Variants in RANBP2 observed in about 807,000 individuals in gnomAD.
RANBP2 encodes the protein RAN binding protein 2.
Under a neutral mutation model 303.6 loss-of-function variants are expected in RANBP2, and 57 were observed. That is an observed-to-expected ratio of 0.19 (90% CI 0.15 to 0.23). The LOEUF (loss-of-function observed/expected upper bound fraction) is 0.23. Ranked by LOEUF, RANBP2 falls within the 10% of genes least tolerant of loss-of-function variation. The pLI is 1.00. For synonymous variants in RANBP2, 1,167 were observed against 1,301.5 expected (o/e 0.90, Z 2.23); for missense variants, 3,138 against 3,780.8 (o/e 0.83, Z 4.46).
chr2:108,946,202 C>T, the RANBP2 span, among the ~76,000 whole-genome samples: 1 of 152,178 alleles, frequency 6.6e-6, no homozygotes, highest in African/African-American at 2.4e-5. Flanking sequence ...CAAAATGCAC[C>T]AGGGCATGAC....
the RANBP2 span, chr2:109,432,591 G>T: frequency 1.9e-6 from 3 of 1,613,604 alleles, no homozygotes; most frequent in Non-Finnish European, 2.5e-6. Context: ...AGAAGTGTCA[G>T]GATGGCTGGT....
Position 108,763,225 on chromosome 2 carries a change from T to C in RANBP2, c.2698-12T>C, listed in dbSNP as rs752182445. The stretch of plus-strand genomic sequence containing the variant: ...GACAATCTACAAAATGTTTTAACTT[T>C]CTGTCTTTTAGGGCCCAGTCTATGG... On this transcript the variant is annotated splice_polypyrimidine_tract_variant and intron_variant, in intron 19 of 28. Transcript: ENST00000283195. The C allele has an allele frequency of 1.2e-6, 2 of 1,613,322 alleles. No individual in the cohort carries two copies. Among genetic ancestry groups the C allele is most frequent in the Non-Finnish European group, 1.7e-6 (2 of 1,179,722 alleles).
chr2:109,107,373 G>A, the RANBP2 span, among the ~76,000 whole-genome samples: 4 of 152,196 alleles, frequency 2.6e-5, no homozygotes, highest in Non-Finnish European at 5.9e-5. Context: ...GGGATGGAAA[G>A]AGAGCAAAGT....
chr2:109,155,075 C>A, the RANBP2 span, among the ~76,000 whole-genome samples: 1 of 152,160 alleles, frequency 6.6e-6, no homozygotes, highest in African/African-American at 2.4e-5. Flanking sequence ...GCTCTGGCCT[C>A]CCTCCGGGCC....
the RANBP2 span, among the ~76,000 whole-genome samples, chr2:109,285,321 G>A: frequency 6.6e-6 from 1 of 152,190 alleles, no homozygotes; most frequent in Non-Finnish European, 1.5e-5. Context: ...CTGAAATACA[G>A]GTGTTCATGG....
At chr2:109,613,826 A>G in the RANBP2 span, 1 of 1,236,124 alleles carries the variant, frequency 8.1e-7, no homozygotes, top group Non-Finnish European at 1.0e-6. Context: ...GGAGGAGGCC[A>G]TGGTCGCGGG....
chr2:109,172,983 G>A, the RANBP2 span, among the ~76,000 whole-genome samples: 4 of 152,344 alleles, frequency 2.6e-5, no homozygotes, highest in Admixed American at 1.3e-4. Context: ...ATGACCTTGC[G>A]CTTGTCTTCA....
At chr2:109,589,639 G>T in the RANBP2 span, among the ~76,000 whole-genome samples, 1 of 152,114 alleles carries the variant, frequency 6.6e-6, no homozygotes, top group African/African-American at 2.4e-5. Context: ...TGAAGAAATG[G>T]AATGCTGATA....
At chr2:108,846,553 T>C in the RANBP2 span, 1 of 152,612 alleles carries the variant, frequency 6.6e-6, no homozygotes, top group Non-Finnish European at 1.4e-5. Flanking sequence ...AGTGAGTGCC[T>C]GTAGTCCCAG....
At chr2:109,322,425 C>T in the RANBP2 span, among the ~76,000 whole-genome samples, 5 of 152,110 alleles carry the variant, frequency 3.3e-5, no homozygotes, top group East Asian at 1.9e-4. Flanking sequence ...AACTAGGAGG[C>T]GGGTGAGTTG....
chr2:109,075,661 A>G, the RANBP2 span, among the ~76,000 whole-genome samples: 2 of 150,340 alleles, frequency 1.3e-5, no homozygotes, highest in African/African-American at 4.8e-5. Flanking sequence ...ATATCTGAGA[A>G]ATAAAAAGGA....
chr2:109,077,709 G>C, the RANBP2 span, among the ~76,000 whole-genome samples: 1 of 150,106 alleles, frequency 6.7e-6, no homozygotes, highest in Non-Finnish European at 1.5e-5. Context: ...ATATGAAAAA[G>C]TACCCAACAT....
the RANBP2 span, among the ~76,000 whole-genome samples, chr2:109,099,794 GT>G: frequency 6.6e-6 from 1 of 151,840 alleles, no homozygotes; most frequent in Non-Finnish European, 1.5e-5. Context: ...TATCATTTTT[GT>G]TTTTTTAATC....
the RANBP2 span, chr2:109,565,914 AAAATAAATTTTATGTG>A: frequency 7.0e-7 from 1 of 1,419,360 alleles, no homozygotes; most frequent in Non-Finnish European, 1.0e-6. Flanking sequence ...CTGACTAGAT[AAAATAAATTTTATGTG>A]AGAGAGAAGA....
the RANBP2 span, among the ~76,000 whole-genome samples, chr2:108,924,799 C>T: frequency 1.1e-4 from 17 of 152,240 alleles, no homozygotes; most frequent in Admixed American, 3.3e-4. Context: ...CTAAGCCTCT[C>T]GCAAATCTAC....
At chr2:109,545,925 T>C in the RANBP2 span, 13 of 1,451,502 alleles carry the variant, frequency 9.0e-6, no homozygotes, top group Admixed American at 2.4e-5. Context: ...CTCCAGGAGC[T>C]GACATTTAGT....
At chr2:109,372,177 C>T in the RANBP2 span, among the ~76,000 whole-genome samples, 1 of 152,344 alleles carries the variant, frequency 6.6e-6, no homozygotes, top group South Asian at 2.1e-4. Context: ...TGAGAGGCAC[C>T]ACAGCAAAGG....
the RANBP2 span, among the ~76,000 whole-genome samples, chr2:109,170,773 CCCATCTGTTT>C: frequency 6.6e-6 from 1 of 152,210 alleles, no homozygotes; most frequent in African/African-American, 2.4e-5. Context: ...GTGCGGATGA[CCCATCTGTTT>C]CTCTCAGGAA....
the RANBP2 span, among the ~76,000 whole-genome samples, chr2:109,384,187 C>T: frequency 1.3e-5 from 2 of 152,162 alleles, no homozygotes; most frequent in Admixed American, 6.5e-5. Flanking sequence ...AGTCCTTAAG[C>T]GCCGGCTGCG....
Sources: allele counts gnomAD v4.1 joint callset (sites outside exome capture counted in the v4.1 genomes callset), GRCh38; gene constraint gnomAD v4.1.1; transcripts MANE v1.5; gene names NCBI Gene and HGNC (gene_info 2026-07-23, HGNC 2026-07-21).